FNDC1: variants seen among roughly 807,000 people sequenced by gnomAD.
FNDC1 encodes fibronectin type III domain-containing protein 1.
In FNDC1, 96 loss-of-function variants were observed where a neutral mutation model predicts 168.0. That is an observed-to-expected ratio of 0.57 (90% CI 0.48 to 0.68). FNDC1 has a LOEUF of 0.68. FNDC1 is among the 30% of genes least tolerant of loss of function. The pLI, the probability that FNDC1 is intolerant of heterozygous loss-of-function variation, is 0.00. For missense variants in FNDC1, 2,587 were observed against 2,482.1 expected (o/e 1.04, Z -0.90); for synonymous variants, 1,099 against 1,025.9 (o/e 1.07, Z -1.36).
intron 1 of FNDC1, among the ~76,000 whole-genome samples, chr6:159,180,757 T>C (rs1356730181): frequency 6.6e-6 from 1 of 152,126 alleles, no homozygotes; most frequent in Non-Finnish European, 1.5e-5. Context: ...CCTGTATTAG[T>C]TTGCTGAGGA....
At chr6:159,212,633 A>G (rs528239856) in intron 4 of FNDC1, among the ~76,000 whole-genome samples, 1 of 152,332 alleles carries the variant, frequency 6.6e-6, no homozygotes, top group South Asian at 2.1e-4. Flanking sequence ...TTACCGAGAC[A>G]GCGAGCTCCA....
chr6:159,271,849 A>G lies in FNDC1; in HGVS notation c.*407A>G, dbSNP rs1777754898. On this transcript the variant is annotated 3_prime_UTR_variant, in exon 23 of 23. Coordinates refer to ENST00000297267, the MANE Select transcript of FNDC1 (RefSeq NM_032532.3). ...ATGCTTTCTGTTTTTCTCATTTTGG[A>G]TTTCTCCAAAACTAACTGAATTTAA... 2 of 157,418 alleles carry G rather than the reference A, an allele frequency of 1.3e-5. No individual in the cohort carries two copies. The highest frequency in any genetic ancestry group is 3.8e-4 in the South Asian group (2 of 5,242). 9.8% of individuals were successfully genotyped at this position (157,418 alleles called of 1,614,324 possible). A position where few individuals can be genotyped will look rare whatever the true frequency, so the allele number is the denominator to read the frequency against.
chr6:159,219,068 T>A (rs536202143), intron 5 of FNDC1, among the ~76,000 whole-genome samples: 33 of 147,976 alleles, frequency 2.2e-4, no homozygotes, highest in Non-Finnish European at 4.3e-4. Flanking sequence ...TGTGACAGGG[T>A]CTTGCTCTGT....
chr6:159,226,571 A>G lies in FNDC1; in HGVS notation c.1171A>G (p.Lys391Glu). Residue 391 changes from lysine (K) to glutamate (E), a missense_variant, in exon 9 of 23, where the codon AAA becomes GAA. Coordinates refer to ENST00000297267, the MANE Select transcript of FNDC1 (RefSeq NM_032532.3). ...GGATGCGCTACCAGAGACTGAGGGG[A>G]AAGTGAAAGGTAGGAATCTCACTCC... is the stretch of plus-strand genomic sequence containing the variant. Reference protein sequence around the residue: ...SWDALPETEGKVKEYILSYAP... With the variant: ...SWDALPETEGEVKEYILSYAP... The G allele has an allele frequency of 6.2e-7, 1 of 1,603,808 alleles. No individual in the cohort carries two copies.
intron 4 of FNDC1, among the ~76,000 whole-genome samples, chr6:159,207,909 C>G (rs976133072): frequency 1.3e-5 from 2 of 152,212 alleles, no homozygotes; most frequent in Non-Finnish European, 2.9e-5. Context: ...ATTTAACACT[C>G]CTTCTCTTCG....
At chr6:159,206,683 G>T (rs1206051268) in intron 4 of FNDC1, among the ~76,000 whole-genome samples, 3 of 152,216 alleles carry the variant, frequency 2.0e-5, no homozygotes, top group Middle Eastern at 3.2e-3. Context: ...GTTGAACTCA[G>T]ATTGGTGCTA....
At chr6:159,187,285 C>A (rs1271166256) in intron 1 of FNDC1, among the ~76,000 whole-genome samples, 1 of 152,154 alleles carries the variant, frequency 6.6e-6, no homozygotes, top group Admixed American at 6.5e-5. Context: ...CGATCTGCTT[C>A]CATTGCTGTC....
At chr6:159,241,621 C>A (rs1376357568) in intron 14 of FNDC1, among the ~76,000 whole-genome samples, 5 of 152,306 alleles carry the variant, frequency 3.3e-5, no homozygotes, top group African/African-American at 7.2e-5. Flanking sequence ...ATCCTCATAT[C>A]GCATTTTAAT....
At chr6:159,243,096 C>T (rs1783462978) in intron 14 of FNDC1, 1 of 152,084 alleles carries the variant, frequency 6.6e-6, no homozygotes, top group African/African-American at 2.4e-5. Flanking sequence ...CCTTGTGGTA[C>T]CTAAGTATGT....
At chr6:159,177,518 G>A (rs150591116) in intron 1 of FNDC1, among the ~76,000 whole-genome samples, 38 of 152,222 alleles carry the variant, frequency 2.5e-4, no homozygotes, top group African/African-American at 8.4e-4. Flanking sequence ...AGCCTCCCTA[G>A]CCAGGCAGGG....
intron 1 of FNDC1, among the ~76,000 whole-genome samples, chr6:159,195,267 A>T (rs529762062): frequency 5.7e-4 from 86 of 152,102 alleles, no homozygotes; most frequent in Non-Finnish European, 7.9e-4. Flanking sequence ...TAAGAATGCA[A>T]ATTCCTGAGA....
At chr6:159,175,474 A>C (rs1406333471) in intron 1 of FNDC1, among the ~76,000 whole-genome samples, 1 of 152,090 alleles carries the variant, frequency 6.6e-6, no homozygotes, top group Admixed American at 6.5e-5. Flanking sequence ...TCTAGGCTGG[A>C]TGTGAGTGCC....
intron 6 of FNDC1, among the ~76,000 whole-genome samples, chr6:159,222,667 C>G (rs1365888392): frequency 6.6e-6 from 1 of 152,226 alleles, no homozygotes; most frequent in Non-Finnish European, 1.5e-5. Flanking sequence ...AAACTGACTT[C>G]TAGTTCATAT....
chr6:159,264,443 T>G (rs1310791460), intron 19 of FNDC1, among the ~76,000 whole-genome samples: 1 of 152,260 alleles, frequency 6.6e-6, no homozygotes, highest in African/African-American at 2.4e-5. Context: ...GTGAGCAGTA[T>G]TTCCTTGTAT....
chr6:159,169,887 C>G lies in FNDC1; in HGVS notation c.109+182C>G, dbSNP rs953855907. On this transcript the variant is annotated intron_variant, in intron 1 of 22. Transcript: ENST00000297267. This position sits in a 1 kb window ranked among gnomAD's most constrained non-coding sequence, Gnocchi z 6.8. ...TGGCGGGAGCGGGGACGCCTCGGTG[C>G]CCGGGGACCGCAGCGCGCTGGCGTT... The G allele has an allele frequency of 1.4e-4, 34 of 237,936 alleles. No individual in the cohort carries two copies. Among genetic ancestry groups the G allele is most frequent in the African/African-American group, 7.8e-4 (34 of 43,508 alleles). The allele number at this position is 237,936 out of a possible 1,614,324, so 14.7% of individuals were successfully genotyped here.
At chr6:159,245,142 A>G (rs1783511737) in intron 14 of FNDC1, among the ~76,000 whole-genome samples, 1 of 152,186 alleles carries the variant, frequency 6.6e-6, no homozygotes, top group Non-Finnish European at 1.5e-5. Flanking sequence ...TGAGAACAGC[A>G]TGGGGGAAAC....
At chr6:159,246,781 T>TGGGGGCCA in intron 14 of FNDC1, 120 bp from the exon 15 acceptor site, 1 of 687,124 alleles carries the variant, frequency 1.5e-6, no homozygotes, top group Non-Finnish European at 2.6e-6. Flanking sequence ...ACCCTGGCCT[T>TGGGGGCCA]GGGGACTTGT....
intron 22 of FNDC1, among the ~76,000 whole-genome samples, chr6:159,269,798 G>A (rs1021323798): frequency 2.0e-5 from 3 of 152,166 alleles, no homozygotes; most frequent in African/African-American, 7.2e-5. Flanking sequence ...CCTCTGGTTA[G>A]GGGAACCTCA....
chr6:159,180,848 T>A lies in FNDC1; in HGVS notation c.109+11143T>A, dbSNP rs1198145381. ...TATGGCTGCATAGTACTCCATGGTG[T>A]ATATGTCCCGCATTTTAAAATCCAG... On this transcript the variant is annotated intron_variant, in intron 1 of 22. Transcript: ENST00000297267. Among the ~76,000 whole-genome samples, 6 of 152,302 alleles carry A rather than the reference T, an allele frequency of 3.9e-5. No individual in the cohort carries two copies. In the East Asian group the frequency reaches 1.2e-3, roughly 29 times the overall value.
Sources: allele counts gnomAD v4.1 joint callset (sites outside exome capture counted in the v4.1 genomes callset), GRCh38; gene constraint gnomAD v4.1.1; non-coding constraint Gnocchi (gnomAD v3.1); transcripts MANE v1.5; gene names NCBI Gene and HGNC (gene_info 2026-07-23, HGNC 2026-07-21).